The following MAF variants were observed in gnomAD, a reference collection of about 807,000 sequenced individuals.
MAF encodes MAF bZIP transcription factor, also known as transcription factor Maf.
A neutral mutation model predicts 22.0 loss-of-function variants in MAF; 10 were observed. That is an observed-to-expected ratio of 0.45 (90% CI 0.28 to 0.77). The LOEUF (loss-of-function observed/expected upper bound fraction) is 0.77, where lower values mean the gene tolerates loss of function less well. Among genes scored for constraint, MAF ranks in the 30% least tolerant of loss-of-function variants. The pLI is 0.12. For missense variants in MAF, 544 were observed against 548.4 expected, an observed-to-expected ratio of 0.99 and a Z score of 0.08; for synonymous variants, 337 against 255.8, an observed-to-expected ratio of 1.32 and a Z score of -3.03.
the MAF span, among the ~76,000 whole-genome samples, chr16:79,430,361 A>G: frequency 6.6e-6 from 1 of 152,222 alleles, no homozygotes; most frequent in Non-Finnish European, 1.5e-5. Context: ...CTTCCCGTCA[A>G]GACAACTAGC....
the MAF span, among the ~76,000 whole-genome samples, chr16:79,333,173 G>C: frequency 6.6e-6 from 1 of 152,194 alleles, no homozygotes; most frequent in African/African-American, 2.4e-5. Flanking sequence ...TCCTGGCTCT[G>C]GACTGCGTTG....
At chr16:79,318,647 C>A in the MAF span, among the ~76,000 whole-genome samples, 1 of 152,222 alleles carries the variant, frequency 6.6e-6, no homozygotes, top group African/African-American at 2.4e-5. Context: ...ATTATATTTT[C>A]ATTGGATACA....
At chr16:79,218,682 TA>T in the MAF span, among the ~76,000 whole-genome samples, 2 of 152,226 alleles carry the variant, frequency 1.3e-5, no homozygotes, top group East Asian at 3.8e-4. Flanking sequence ...CCTCCTTATT[TA>T]AAGTATAAGC....
the MAF span, among the ~76,000 whole-genome samples, chr16:79,237,780 T>C: frequency 6.6e-6 from 1 of 152,130 alleles, no homozygotes; most frequent in Non-Finnish European, 1.5e-5. Context: ...GATCCACCAG[T>C]GGCTAGCAGC....
At chr16:79,354,222 G>A in the MAF span, among the ~76,000 whole-genome samples, 73 of 152,052 alleles carry the variant, frequency 4.8e-4, 2 homozygotes, top group Admixed American at 2.9e-3. Flanking sequence ...CAAAGTCCTG[G>A]CTCAAGTGAT....
chr16:79,546,601 T>C, the MAF span, among the ~76,000 whole-genome samples: 3 of 152,326 alleles, frequency 2.0e-5, no homozygotes, highest in South Asian at 6.2e-4. Context: ...GATTAACTCA[T>C]TCTTTGAAGA....
At chr16:79,350,387 G>C in the MAF span, among the ~76,000 whole-genome samples, 2 of 152,180 alleles carry the variant, frequency 1.3e-5, no homozygotes, top group Non-Finnish European at 2.9e-5. Flanking sequence ...TAGGATTTGA[G>C]TCTCCAGCTG....
the MAF span, among the ~76,000 whole-genome samples, chr16:79,436,659 G>A: frequency 3.6e-4 from 55 of 152,300 alleles, no homozygotes; most frequent in South Asian, 0.011. Flanking sequence ...GGGCTTGTTG[G>A]TTGCAAAGAC....
chr16:79,399,176 G>T, the MAF span, among the ~76,000 whole-genome samples: 102 of 152,280 alleles, frequency 6.7e-4, no homozygotes, highest in East Asian at 0.012. Flanking sequence ...GTAATTATAG[G>T]AAACTTTCTA....
the MAF span, among the ~76,000 whole-genome samples, chr16:79,574,414 CTAAA>C: frequency 2.0e-5 from 3 of 152,172 alleles, no homozygotes; most frequent in African/African-American, 7.2e-5. Flanking sequence ...GACTTGATAA[CTAAA>C]TACATTATTC....
At chr16:79,416,382 T>G in the MAF span, among the ~76,000 whole-genome samples, 14 of 152,218 alleles carry the variant, frequency 9.2e-5, no homozygotes, top group East Asian at 2.7e-3. Context: ...GTTCCCAGCA[T>G]GTGAAACAGG....
the MAF span, among the ~76,000 whole-genome samples, chr16:79,507,859 T>C: frequency 9.2e-5 from 14 of 152,244 alleles, no homozygotes; most frequent in African/African-American, 3.4e-4. Flanking sequence ...CTGTTGGAGT[T>C]TGTATGCATC....
chr16:79,263,903 C>T, the MAF span, among the ~76,000 whole-genome samples: 25,516 of 152,092 alleles, frequency 0.17, 2,371 homozygotes, highest in African/African-American at 0.2. Context: ...GTCCCACATC[C>T]CTTAATCCCT....
the MAF span, among the ~76,000 whole-genome samples, chr16:79,547,829 G>A: frequency 7.2e-5 from 11 of 151,892 alleles, no homozygotes; most frequent in Non-Finnish European, 1.5e-4. Flanking sequence ...TGTCTCCTCT[G>A]TAGCAAACTC....
At chr16:79,221,690 T>G in the MAF span, among the ~76,000 whole-genome samples, 27 of 152,212 alleles carry the variant, frequency 1.8e-4, no homozygotes, top group African/African-American at 5.8e-4. Context: ...TGTGTGTACA[T>G]GTGCATGAGT....
chr16:79,331,783 C>A, the MAF span, among the ~76,000 whole-genome samples: 1 of 152,088 alleles, frequency 6.6e-6, no homozygotes, highest in Non-Finnish European at 1.5e-5. Flanking sequence ...TGGCCTCATT[C>A]CCTCCATTCA....
the MAF span, among the ~76,000 whole-genome samples, chr16:79,349,733 T>C: frequency 1.3e-5 from 2 of 152,204 alleles, no homozygotes; most frequent in African/African-American, 4.8e-5. Flanking sequence ...CTTTAGGCCA[T>C]GAACACCTTT....
chr16:79,275,221 T>C, the MAF span, among the ~76,000 whole-genome samples: 3 of 152,226 alleles, frequency 2.0e-5, no homozygotes, highest in South Asian at 6.2e-4. Context: ...CTGGGTGTGG[T>C]GGTGCACGCT....
At chr16:79,589,075 G>C (rs888740275), downstream of MAF, among the ~76,000 whole-genome samples, 3 of 152,152 alleles carry the variant, frequency 2.0e-5, no homozygotes, top group Admixed American at 1.3e-4. Context: ...CCTTCCCTAA[G>C]AGAGAGGGAG....
Sources: gnomAD v4.1 joint callset for allele counts (sites outside exome capture counted in the v4.1 genomes callset) on GRCh38, gnomAD v4.1.1 for gene constraint, MANE v1.5 for transcripts, NCBI Gene and HGNC (gene_info 2026-07-23, HGNC 2026-07-21) for gene names.